Variants in DYSF observed in about 807,000 individuals in gnomAD.
DYSF encodes the protein dysferlin.
Under a neutral mutation model 274.9 loss-of-function variants are expected in DYSF, and 212 were observed. The observed-to-expected ratio is 0.77, with a 90% confidence interval of 0.69 to 0.86. The LOEUF (loss-of-function observed/expected upper bound fraction) is 0.86. DYSF is among the 40% of genes least tolerant of loss of function. The pLI, the probability that DYSF is intolerant of heterozygous loss-of-function variation, is 0.00. For synonymous variants in DYSF, 1,091 were observed against 1,078.7 expected, an observed-to-expected ratio of 1.01 and a Z score of -0.22; for missense variants, 2,666 against 2,783.2, an observed-to-expected ratio of 0.96 and a Z score of 0.95.
Position 71,511,888 on chromosome 2 carries a change from T to A in DYSF, c.427T>A (p.Ser143Thr). Residue 143 changes from serine (S) to threonine (T), a missense_variant, in exon 5 of 56, where the codon TCC becomes ACC. Ser to Thr is a moderately conservative substitution (Grantham distance 58). Around this residue, in one of 3 missense-constraint regions of DYSF, gnomAD observed 794 missense variants for 777.1 expected, o/e 1.02. Coordinates refer to ENST00000410020, the MANE Select transcript of DYSF (RefSeq NM_001130987.2). ...LFPPPTPLEP[S>T]PTLPDLDVVA... is the part of the protein sequence containing the mutation. ...CCCGCCCCCTACTCCTCTGGAGCCCTCCCCGACTCTGCCTGACCTGGATGT... is the reference window on the plus strand; with the variant it reads ...CCCGCCCCCTACTCCTCTGGAGCCCACCCCGACTCTGCCTGACCTGGATGT... 18 of 1,550,420 alleles carry A rather than the reference T, an allele frequency of 1.2e-5. No individual in the cohort carries two copies. The highest frequency in any genetic ancestry group is 1.6e-5 in the Non-Finnish European group (18 of 1,146,154).
At chr2:71,455,367 A>G (rs1047980898) in intron 1 of DYSF, among the ~76,000 whole-genome samples, 15 of 152,204 alleles carry the variant, frequency 9.9e-5, no homozygotes, top group African/African-American at 3.6e-4. Flanking sequence ...CCTGGAAAGC[A>G]GTGTACACCA....
At chr2:71,641,964 G>C (rs751388771) in intron 41 of DYSF, among the ~76,000 whole-genome samples, 33 of 152,096 alleles carry the variant, frequency 2.2e-4, no homozygotes, top group Non-Finnish European at 4.1e-4. Flanking sequence ...TATATCTTCT[G>C]TTTTTAGTGT....
intron 1 of DYSF, among the ~76,000 whole-genome samples, chr2:71,457,967 G>A (rs1227599139): frequency 2.0e-5 from 3 of 152,170 alleles, no homozygotes; most frequent in African/African-American, 4.8e-5. Context: ...TCAGAAGAGC[G>A]GCTAGCTGGC....
chr2:71,497,436 T>C (rs2084517355), intron 3 of DYSF, among the ~76,000 whole-genome samples: 1 of 152,038 alleles, frequency 6.6e-6, no homozygotes, highest in African/African-American at 2.4e-5. Context: ...TGATCTGAGG[T>C]TTTATAAAGT....
chr2:71,597,719 A>G (rs1158808460), intron 32 of DYSF, among the ~76,000 whole-genome samples: 3 of 152,186 alleles, frequency 2.0e-5, no homozygotes, highest in Admixed American at 1.3e-4. Flanking sequence ...CAAGGCTGGC[A>G]GGCTGGAAAG....
intron 4 of DYSF, among the ~76,000 whole-genome samples, chr2:71,505,502 G>A (rs902782860): frequency 4.1e-4 from 62 of 152,364 alleles, no homozygotes; most frequent in Admixed American, 3.0e-3. Flanking sequence ...ACTGAGAGGC[G>A]TGGGGGAGGC....
intron 41 of DYSF, among the ~76,000 whole-genome samples, chr2:71,630,163 C>G (rs1255685415): frequency 6.6e-6 from 1 of 152,158 alleles, no homozygotes; most frequent in Non-Finnish European, 1.5e-5. Context: ...TTCATGGGCC[C>G]TTCTAATCTC....
intron 46 of DYSF, 90 bp downstream of exon 46, chr2:71,664,528 G>A: frequency 1.3e-6 from 2 of 1,530,942 alleles, no homozygotes; most frequent in Non-Finnish European, 8.9e-7. Context: ...CACTTACTGT[G>A]TGCCAGCCCT....
At chr2:71,591,694 A>T (rs576453494) in intron 32 of DYSF, among the ~76,000 whole-genome samples, 22 of 152,346 alleles carry the variant, frequency 1.4e-4, no homozygotes, top group African/African-American at 5.3e-4. Context: ...AGTAGAACTG[A>T]GTTCCATGGG....
chr2:71,563,166 C>A (rs2091883027), intron 23 of DYSF, among the ~76,000 whole-genome samples: 1 of 152,194 alleles, frequency 6.6e-6, no homozygotes, highest in African/African-American at 2.4e-5. Context: ...ACTTTGAGAA[C>A]CCCTGGTATA....
intron 41 of DYSF, among the ~76,000 whole-genome samples, chr2:71,623,052 G>A (rs114587953): frequency 0.011 from 1,736 of 152,228 alleles, 35 homozygotes; most frequent in African/African-American, 0.04. Flanking sequence ...TATTCCTGGG[G>A]TAAACCCAAA....
At chr2:71,641,210 G>A (rs1233467743) in intron 41 of DYSF, among the ~76,000 whole-genome samples, 2 of 121,660 alleles carry the variant, frequency 1.6e-5, no homozygotes, top group African/African-American at 6.6e-5. Context: ...ACGGAGTCTC[G>A]CTCTGTGGCC....
intron 41 of DYSF, among the ~76,000 whole-genome samples, chr2:71,632,959 T>C (rs1194409752): frequency 1.3e-5 from 2 of 152,220 alleles, no homozygotes; most frequent in Non-Finnish European, 2.9e-5. Context: ...TCTGGGCCTT[T>C]GGAAGCAATT....
intron 40 of DYSF, among the ~76,000 whole-genome samples, chr2:71,618,152 GTGT>G: frequency 4.0e-3 from 2 of 496 alleles, no homozygotes; most frequent in Non-Finnish European, 5.9e-3. Context: ...GGTAGAGGTG[GTGT>G]GTGTGTGTGT....
rs191522360 is a variant in DYSF at position 71,502,921 on chromosome 2, A to T, written c.240-293A>T. On this transcript the variant is annotated intron_variant, in intron 3 of 55. Coordinates refer to ENST00000410020, the MANE Select transcript of DYSF (RefSeq NM_001130987.2). Reference sequence around the variant, plus strand: ...GGAAGACAACCCTTCATCTCTGGGGAGGCGTGGCTGGGCCTCTGGGGAGGG... The same window carrying T: ...GGAAGACAACCCTTCATCTCTGGGGTGGCGTGGCTGGGCCTCTGGGGAGGG... 3.9e-5 allele frequency among the ~76,000 whole-genome samples: 6 copies of T among 152,028 alleles called. No homozygotes were observed. The East Asian group carries it at 1.2e-3, about 30-fold the overall frequency.
Position 71,600,713 on chromosome 2 carries a change from G to T in DYSF, c.3768G>T (p.Glu1256Asp). The T allele has an allele frequency of 1.2e-6, 2 of 1,614,130 alleles. No homozygotes were observed. The highest frequency in any genetic ancestry group is 8.5e-7 in the Non-Finnish European group (1 of 1,180,040). ...LYDHDTYGAD[E>D]FMGRCICQPS... ...TACGCTTGGTCTAGGGTGCAGACGA[G>T]TTTATGGGTCGCTGCATCTGTCAAC... is the stretch of plus-strand genomic sequence containing the variant. Residue 1256 changes from glutamate (E) to aspartate (D), a missense_variant, in exon 34 of 56, where the codon GAG becomes GAT. Around this residue, in one of 3 missense-constraint regions of DYSF, gnomAD observed 1,460 missense variants for 1,502.1 expected, o/e 0.97. Coordinates refer to ENST00000410020, the MANE Select transcript of DYSF (RefSeq NM_001130987.2).
intron 1 of DYSF, among the ~76,000 whole-genome samples, chr2:71,473,878 C>T (rs1307994261): frequency 6.6e-6 from 1 of 151,920 alleles, no homozygotes; most frequent in African/African-American, 2.4e-5. Flanking sequence ...TATTCCCCTC[C>T]CTCACCGCCC....
At chr2:71,597,563 A>C (rs931973232) in intron 32 of DYSF, among the ~76,000 whole-genome samples, 4 of 152,178 alleles carry the variant, frequency 2.6e-5, no homozygotes, top group Admixed American at 6.5e-5. Context: ...GGCAGCACCC[A>C]GCAGCCTGAA....
rs72904631 is a variant in DYSF, at chr2:71,643,838, C to T, written c.4528-127C>T. 6,697 of 746,802 alleles carry T rather than the reference C, an allele frequency of 9.0e-3. 324 individuals carry two copies. In the African/African-American group the frequency reaches 0.1, roughly 11 times the overall value. The allele number at this position is 746,802 out of a possible 1,614,324, so 46.3% of individuals were successfully genotyped here. A position where few individuals can be genotyped will look rare whatever the true frequency, so the allele number is the denominator to read the frequency against. On this transcript the variant is annotated intron_variant, in intron 41 of 55. Transcript: ENST00000410020. The stretch of plus-strand genomic sequence containing the variant: ...CGGAGGTTTCCTCTCTCTGCTCCCC[C>T]ACATCACCCTTAGGAAAGCCTTGTG...
Sources: gnomAD v4.1 joint callset for allele counts (sites outside exome capture counted in the v4.1 genomes callset) on GRCh38, gnomAD v4.1.1 for gene constraint, gnomAD v4.1.1 regional missense constraint, MANE v1.5 for transcripts, NCBI Gene and HGNC (gene_info 2026-07-23, HGNC 2026-07-21) for gene names.